POLR2F: variants seen among roughly 807,000 people sequenced by gnomAD.
The protein encoded by POLR2F is DNA-directed RNA polymerases I, II, and III subunit RPABC2.
POLR2F carries 12 observed loss-of-function variants against 22.7 expected under a neutral mutation model. The observed-to-expected ratio is 0.53, with a 90% CI of 0.34 to 0.86. The LOEUF is 0.86. Among genes scored for constraint, POLR2F ranks in the 40% least tolerant of loss-of-function variants. The pLI is 0.02. For synonymous variants in POLR2F, 57 were observed against 66.0 expected (o/e 0.86, Z 0.66); for missense variants, 126 against 171.5 (o/e 0.73, Z 1.48).
chr22:37,955,407 C>T (rs1436667352), intron 1 of POLR2F, among the ~76,000 whole-genome samples: 1 of 151,524 alleles, frequency 6.6e-6, no homozygotes, highest in East Asian at 2.0e-4. Flanking sequence ...GGCATGGTGG[C>T]GTGTGCCTAT....
In POLR2F at chr22:37,986,548, G is replaced by A; in HGVS notation, c.120+236G>A. On this transcript the variant is annotated intron_variant, in intron 1 of 2. Transcript: ENST00000333418. The surrounding 1 kb of genome is among the most constrained non-coding windows in gnomAD (Gnocchi z 4.7). ...CCAGCTGTGCCAGGATGGGGGTGGG[G>A]GTAGCAGTGGGCACGCTCTGTCTGC... is the stretch of plus-strand genomic sequence containing the variant. 1 of 932,726 alleles carries A rather than the reference G, an allele frequency of 1.1e-6. No individual in the cohort carries two copies. Among genetic ancestry groups the A allele is most frequent in the Non-Finnish European group, 1.7e-6 (1 of 596,698 alleles). The allele number at this position is 932,726 out of a possible 1,614,324, so 57.8% of individuals were successfully genotyped here.
intron 1 of POLR2F, among the ~76,000 whole-genome samples, chr22:38,010,416 C>T (rs199687037): frequency 6.7e-6 from 1 of 149,116 alleles, no homozygotes; most frequent in Non-Finnish European, 1.5e-5. Context: ...GAGAGAGAGA[C>T]AGAGAGAGAG....
downstream of POLR2F, among the ~76,000 whole-genome samples, chr22:37,971,731 C>T (rs1932058077): frequency 6.6e-6 from 1 of 152,104 alleles, no homozygotes; most frequent in African/African-American, 2.4e-5. Context: ...GGACAGGCCT[C>T]TGACTGCAGG....
chr22:37,978,210 C>T lies in POLR2F; in HGVS notation c.293+11040C>T, dbSNP rs1291620424. ...GCCAGAGCACTCCAGGTTGGCCTCC[C>T]TCTGAGTGTCCATCTTGGAAGATGT... On this transcript the variant is annotated intron_variant, in intron 4 of 4. Transcript: ENST00000405557. This position sits in a 1 kb window ranked among gnomAD's most constrained non-coding sequence, Gnocchi z 5.0. The T allele has an allele frequency of 2.8e-6, 4 of 1,410,724 alleles. No homozygotes were observed. In the African/African-American group the frequency reaches 5.8e-5, roughly 20 times the overall value. 87.4% of individuals were successfully genotyped at this position (1,410,724 alleles called of 1,614,324 possible). A position where few individuals can be genotyped will look rare whatever the true frequency, so the allele number is the denominator to read the frequency against.
At chr22:38,035,763 A>G (rs1337391693) in intron 5 of POLR2F, among the ~76,000 whole-genome samples, 4 of 152,120 alleles carry the variant, frequency 2.6e-5, no homozygotes, top group Admixed American at 1.3e-4. Flanking sequence ...CCCTGGCGGG[A>G]GCGGGTGGGA....
At chr22:38,040,094 G>A (rs2085156425) in intron 5 of POLR2F, among the ~76,000 whole-genome samples, 1 of 151,946 alleles carries the variant, frequency 6.6e-6, no homozygotes, top group African/African-American at 2.4e-5. Context: ...GGGCAACATA[G>A]GGAGACTCTG....
chr22:37,983,597 G>T, upstream of POLR2F: 2 of 1,608,496 alleles, frequency 1.2e-6, no homozygotes, highest in Non-Finnish European at 8.5e-7. The surrounding 1 kb of genome is among the most constrained non-coding windows in gnomAD (Gnocchi z 9.5). Context: ...GTCATCGTCC[G>T]CCTCGCCGTC....
intron 1 of POLR2F, among the ~76,000 whole-genome samples, chr22:38,024,534 G>T (rs2084989545): frequency 6.6e-6 from 1 of 152,178 alleles, no homozygotes; most frequent in Non-Finnish European, 1.5e-5. Flanking sequence ...TGAGAGGACT[G>T]TAACAGATGT....
rs192620737 is a variant in POLR2F, at chr22:38,008,069, G to A, written c.121-17800G>A. 1.9e-3 allele frequency among the ~76,000 whole-genome samples: 285 copies of A among 152,138 alleles called. 1 individual carries two copies. The highest frequency in any genetic ancestry group is 6.5e-3 in the African/African-American group (270 of 41,512). ...AGCCTGGCCAACATGGTGAAATCCC[G>A]TCTCTACTAAAAATACAAAAGTTAG... is the stretch of plus-strand genomic sequence containing the variant. On this transcript the variant is annotated intron_variant, in intron 1 of 2. Transcript: ENST00000333418.
intron 3 of POLR2F, among the ~76,000 whole-genome samples, chr22:37,964,556 TTTTC>T (rs903563612): frequency 1.0e-4 from 15 of 145,878 alleles, no homozygotes; most frequent in Middle Eastern, 6.9e-3. Context: ...CCTGTTTTTC[TTTTC>T]TTTCTTTCTT....
chr22:37,995,461 C>T (rs75066554), intron 1 of POLR2F, among the ~76,000 whole-genome samples: 3,122 of 152,272 alleles, frequency 0.021, 113 homozygotes, highest in African/African-American at 0.071. Flanking sequence ...ATGCCTCTCT[C>T]GACCCTCCAG....
intron 1 of POLR2F, among the ~76,000 whole-genome samples, chr22:37,999,626 A>G (rs1252075586): frequency 6.6e-6 from 1 of 152,028 alleles, no homozygotes. Context: ...CCGAGCCGAA[A>G]TGAGCCTAGA....
At chr22:38,035,413 G>A (rs761459573) in intron 5 of POLR2F, among the ~76,000 whole-genome samples, 2 of 152,212 alleles carry the variant, frequency 1.3e-5, no homozygotes, top group African/African-American at 2.4e-5. Context: ...GCTGCCCAAC[G>A]GTCTAGAGCA....
downstream of POLR2F, among the ~76,000 whole-genome samples, chr22:38,028,554 ATG>A (rs1416261263): frequency 5.9e-5 from 9 of 151,516 alleles, no homozygotes; most frequent in East Asian, 1.9e-4. Flanking sequence ...GTGTGCATGT[ATG>A]TGTGTGCATA....
At chr22:37,987,013 C>T (rs1468609184) in intron 1 of POLR2F, 1 of 456,048 alleles carries the variant, frequency 2.2e-6, no homozygotes, top group South Asian at 1.5e-5. Flanking sequence ...CCCTTTACCC[C>T]CTCATTCTTG....
chr22:37,968,418 T>C lies in POLR2F; in HGVS notation c.*703T>C. 1.0e-6 allele frequency: 1 copy of C among 985,890 alleles called. No homozygotes were observed. The highest frequency in any genetic ancestry group is 1.2e-6 in the Non-Finnish European group (1 of 830,180). 61.1% of individuals were successfully genotyped at this position (985,890 alleles called of 1,614,324 possible). A position where few individuals can be genotyped will look rare whatever the true frequency, so the allele number is the denominator to read the frequency against. The stretch of plus-strand genomic sequence containing the variant: ...TTTGGTGTGCCACACCCATGCCTTC[T>C]TCCTAGCCTCTATAAGATATCCTTT... On this transcript the variant is annotated 3_prime_UTR_variant, in exon 5 of 5. Transcript: ENST00000442738.
At position 37,980,171 on chromosome 22, in the gene POLR2F, C is replaced by CA. The variant is rs1397980366; in HGVS notation, c.293+13002dup. On this transcript the variant is annotated intron_variant, in intron 4 of 4. Transcript: ENST00000405557. This position sits in a 1 kb window ranked among gnomAD's most constrained non-coding sequence, Gnocchi z 4.1. ...GATGCCGGAGCAGGGCCTTGAGAGT[C>CA]AGGGAGTGGGATGTGGGCACCCTCT... Among the ~76,000 whole-genome samples the CA allele has an allele frequency of 2.0e-5, 3 of 152,112 alleles. No homozygotes were observed. Among genetic ancestry groups the CA allele is most frequent in the African/African-American group, 7.2e-5 (3 of 41,410 alleles).
intron 1 of POLR2F, among the ~76,000 whole-genome samples, chr22:38,010,931 T>C (rs951314438): frequency 1.3e-5 from 2 of 151,910 alleles, no homozygotes; most frequent in Admixed American, 1.3e-4. Context: ...TGGTGTCTTT[T>C]GAAGAGCGAA....
chr22:37,989,106 G>T (rs973862570), intron 1 of POLR2F, among the ~76,000 whole-genome samples: 7 of 152,112 alleles, frequency 4.6e-5, no homozygotes, highest in Non-Finnish European at 8.8e-5. Flanking sequence ...CCTCAGTCTC[G>T]GATGTAGTGG....
Sources: gnomAD v4.1 joint callset for allele counts (sites outside exome capture counted in the v4.1 genomes callset) on GRCh38, gnomAD v4.1.1 for gene constraint, Gnocchi (gnomAD v3.1) non-coding constraint, MANE v1.5 for transcripts, NCBI Gene and HGNC (gene_info 2026-07-23, HGNC 2026-07-21) for gene names.